Variants in CCDC69 observed in about 807,000 individuals in gnomAD.
CCDC69 encodes coiled-coil domain-containing protein 69.
A neutral mutation model predicts 40.3 loss-of-function variants in CCDC69; 38 were observed. That is an observed-to-expected ratio of 0.94 (90% CI 0.73 to 1.24). The LOEUF (loss-of-function observed/expected upper bound fraction) is 1.24, where lower values mean the gene tolerates loss of function less well. CCDC69 is among the 50% of genes most tolerant of loss of function. CCDC69 has a pLI of 0.00. For missense variants in CCDC69, 389 were observed against 357.9 expected (o/e 1.09, Z -0.70); for synonymous variants, 141 against 138.9 (o/e 1.02, Z -0.11).
At chr5:151,185,353 C>A in intron 7 of CCDC69, 69 bp downstream of exon 7, 1 of 1,577,280 alleles carries the variant, frequency 6.3e-7, no homozygotes, top group East Asian at 2.3e-5. Context: ...CCTCTGCATG[C>A]TTTACAAAGG....
rs115540962 is a variant in CCDC69, at chr5:151,187,408, C to T, written c.371G>A (p.Arg124Gln). 5.5e-5 allele frequency: 89 copies of T among 1,614,116 alleles called. No individual in the cohort carries two copies. In the East Asian group the frequency reaches 1.5e-3, roughly 27 times the overall value. The change falls in exon 5 of 9, where the codon CGG becomes CAG. Residue 124 changes from arginine to glutamine, a missense_variant. Coordinates refer to ENST00000355417, the MANE Select transcript of CCDC69 (RefSeq NM_015621.3). ...CACCTGCTGGGTAGAACTGGCCTCC[C>T]GGAAAGAGTGGGTAAGCGCTTCTTT... is the stretch of plus-strand genomic sequence containing the variant. ...QEKEALTHSF[R>Q]EASSTQQETI...
At chr5:151,223,278 G>T (rs1753160760) in intron 1 of CCDC69, among the ~76,000 whole-genome samples, 1 of 152,224 alleles carries the variant, frequency 6.6e-6, no homozygotes, top group South Asian at 2.1e-4. Context: ...GAGGGCCACA[G>T]AACGCAGTAG....
At chr5:151,197,249 T>C (rs1752712058) in intron 4 of CCDC69, among the ~76,000 whole-genome samples, 1 of 152,196 alleles carries the variant, frequency 6.6e-6, no homozygotes, top group Non-Finnish European at 1.5e-5. Flanking sequence ...CTGCTTAGGC[T>C]GGGCACAATG....
intron 1 of CCDC69, among the ~76,000 whole-genome samples, chr5:151,221,452 C>T (rs904953101): frequency 3.9e-5 from 6 of 152,222 alleles, no homozygotes; most frequent in African/African-American, 1.4e-4. Flanking sequence ...AGATGTGATG[C>T]TCCTACTGCT....
In CCDC69 at chr5:151,205,339, T is replaced by C; in HGVS notation, c.124+61A>G. 4 of 1,262,074 alleles carry C rather than the reference T, an allele frequency of 3.2e-6. No homozygotes were observed. The South Asian group carries it at 3.6e-5, about 11-fold the overall frequency. The allele number at this position is 1,262,074 out of a possible 1,614,324, so 78.2% of individuals were successfully genotyped here. ...ATTTCAGCAGCTGTATCATCTGTGT[T>C]GATTATAAGGTAGGAACCTCACAGA... On this transcript the variant is annotated intron_variant, in intron 2 of 8. Transcript: ENST00000355417.
intron 4 of CCDC69, among the ~76,000 whole-genome samples, chr5:151,198,287 GATTGATCTATCTATCT>G (rs1449174817): frequency 1.4e-4 from 20 of 142,014 alleles, no homozygotes; most frequent in Non-Finnish European, 1.2e-4. Flanking sequence ...TAGAGAATGA[GATTGATCTATCTATCT>G]ATCTATCTAT....
chr5:151,184,503 A>C (rs1367943769), intron 7 of CCDC69, 62 bp from the exon 8 acceptor site: 1 of 1,015,758 alleles, frequency 9.8e-7, no homozygotes, highest in Non-Finnish European at 1.6e-6. Context: ...GTGTGCTGTC[A>C]CCTCCCTCTT....
chr5:151,190,096 T>C (rs1191501831), intron 4 of CCDC69, among the ~76,000 whole-genome samples: 3 of 152,182 alleles, frequency 2.0e-5, no homozygotes, highest in Non-Finnish European at 4.4e-5. Flanking sequence ...CTAAAGGAAA[T>C]TCTTCAAATG....
rs1766665622 is a variant in CCDC69, at chr5:151,182,986, CA to C, written c.*450del. On this transcript the variant is annotated 3_prime_UTR_variant, in exon 9 of 9. Coordinates refer to ENST00000355417, the MANE Select transcript of CCDC69 (RefSeq NM_015621.3). ...GACCAGTCCCCCCACCATTTTAATG[CA>C]GGGGTAAACTGAGGCTCTGAGCAGG... 4 of 454,130 alleles carry C rather than the reference CA, an allele frequency of 8.8e-6. No homozygotes were observed. The highest frequency in any genetic ancestry group is 6.2e-5 in the South Asian group (4 of 64,352). The allele number at this position is 454,130 out of a possible 1,614,324, so 28.1% of individuals were successfully genotyped here.
At chr5:151,192,660 T>C (rs1295658213) in intron 4 of CCDC69, among the ~76,000 whole-genome samples, 1 of 152,230 alleles carries the variant, frequency 6.6e-6, no homozygotes, top group African/African-American at 2.4e-5. Flanking sequence ...GGGACATTAC[T>C]ACATGGGGCA....
chr5:151,185,520 A>C lies in CCDC69; in HGVS notation c.517T>G (p.Phe173Val). ...AAGCTCTCCAGCTCCTGCTCCCAGA[A>C]CTGGCTGGGGCTCCCATAATCCTAG... is the stretch of plus-strand genomic sequence containing the variant. ...HIQDYGSPSQ[F>V]WEQELESLHF... Residue 173 changes from phenylalanine to valine, a missense_variant, in exon 7 of 9, where the codon TTC becomes GTC. Coordinates refer to ENST00000355417, the MANE Select transcript of CCDC69 (RefSeq NM_015621.3). 6.2e-7 allele frequency: 1 copy of C among 1,613,946 alleles called. No individual in the cohort carries two copies. Among genetic ancestry groups the C allele is most frequent in the Non-Finnish European group, 8.5e-7 (1 of 1,179,886 alleles).
At chr5:151,188,152 A>G (rs1752553148) in intron 4 of CCDC69, among the ~76,000 whole-genome samples, 4 of 152,176 alleles carry the variant, frequency 2.6e-5, no homozygotes. Flanking sequence ...GTATCATCCC[A>G]TCTCCTTCAT....
chr5:151,205,273 G>A (rs758777321), intron 2 of CCDC69, 127 bp downstream of exon 2: 23 of 792,492 alleles, frequency 2.9e-5, no homozygotes, highest in South Asian at 8.9e-5. Flanking sequence ...TTTTAGACAC[G>A]ATACTCCTAT....
At chr5:151,189,919 C>G (rs1022329644) in intron 4 of CCDC69, among the ~76,000 whole-genome samples, 2 of 152,178 alleles carry the variant, frequency 1.3e-5, no homozygotes, top group Non-Finnish European at 2.9e-5. Flanking sequence ...TGATCTTTAT[C>G]CTCTGTTTTC....
intron 3 of CCDC69, among the ~76,000 whole-genome samples, chr5:151,200,370 G>C (rs371082981): frequency 9.2e-5 from 14 of 152,128 alleles, no homozygotes; most frequent in Admixed American, 3.3e-4. Context: ...AACTCCTGAC[G>C]TCAGGTGATC....
Position 151,189,948 on chromosome 5 carries a change from G to T in CCDC69, c.320-2489C>A, listed in dbSNP as rs577747694. ...TGTTTTCTCTTTCCTGCTTTCTTTT[G>T]GAGTACAAAACCATAACAAAAAGCC... is the stretch of plus-strand genomic sequence containing the variant. On this transcript the variant is annotated intron_variant, in intron 4 of 8. Transcript: ENST00000355417. Among the ~76,000 whole-genome samples the T allele has an allele frequency of 2.4e-4, 37 of 152,156 alleles. No homozygotes were observed. The East Asian group carries it at 5.6e-3, about 23-fold the overall frequency.
chr5:151,210,858 C>T (rs953387451), intron 1 of CCDC69: 1 of 152,106 alleles, frequency 6.6e-6, no homozygotes, highest in African/African-American at 2.4e-5. Context: ...ATCTCAGCTA[C>T]TTGGGATGCT....
intron 1 of CCDC69, among the ~76,000 whole-genome samples, chr5:151,214,324 G>C (rs569261651): frequency 1.3e-5 from 2 of 152,164 alleles, no homozygotes; most frequent in East Asian, 3.8e-4. Context: ...GGAAGGAGGC[G>C]GGGAGTGTGG....
chr5:151,222,307 G>A (rs1753145399), intron 1 of CCDC69, among the ~76,000 whole-genome samples: 1 of 152,256 alleles, frequency 6.6e-6, no homozygotes, highest in Non-Finnish European at 1.5e-5. Context: ...GGCTGTGCCA[G>A]GGACAGGCAG....
Sources: gnomAD v4.1 joint callset for allele counts (sites outside exome capture counted in the v4.1 genomes callset) on GRCh38, gnomAD v4.1.1 for gene constraint, MANE v1.5 for transcripts, NCBI Gene and HGNC (gene_info 2026-07-23, HGNC 2026-07-21) for gene names.